Variants in OR3A1 observed in about 807,000 individuals in gnomAD.
OR3A1 encodes the protein olfactory receptor family 3 subfamily A member 1.
For missense variants in OR3A1, 402 were observed against 393.8 expected, an observed-to-expected ratio of 1.02 and a Z score of -0.18; for synonymous variants, 145 against 160.0, an observed-to-expected ratio of 0.91 and a Z score of 0.71.
chr17:3,296,177 A>T (rs778933100), intron 1 of OR3A1, among the ~76,000 whole-genome samples: 4 of 152,202 alleles, frequency 2.6e-5, no homozygotes, highest in African/African-American at 9.6e-5. Flanking sequence ...TCACAGCCCA[A>T]TGGAAAGAAA....
In OR3A1 at chr17:3,292,019, G is replaced by C. The variant is rs2048875447; in HGVS notation, c.564C>G (p.Phe188Leu). 8.1e-6 allele frequency: 13 copies of C among 1,614,124 alleles called. No individual in the cohort carries two copies. The highest frequency in any genetic ancestry group is 1.0e-5 in the Non-Finnish European group (12 of 1,180,054). ...NHFYCDLPQL[F>L]QLSCSSTQLN... ...GTTGGGTGCTGGAGCAGGAGAGCTGGAAGAGCTGTGGGAGGTCACAGTAGA... is the reference window on the plus strand; with the variant it reads ...GTTGGGTGCTGGAGCAGGAGAGCTGCAAGAGCTGTGGGAGGTCACAGTAGA... The change falls in exon 2 of 2, where the codon TTC becomes TTG. Residue 188 changes from phenylalanine to leucine, a missense_variant. Coordinates refer to ENST00000323404, the MANE Select transcript of OR3A1 (RefSeq NM_002550.3).
Position 3,291,754 on chromosome 17 carries a change from C to A in OR3A1, c.829G>T (p.Val277Phe). 6.2e-7 allele frequency: 1 copy of A among 1,613,758 alleles called. No homozygotes were observed. The highest frequency in any genetic ancestry group is 8.5e-7 in the Non-Finnish European group (1 of 1,179,660). The stretch of plus-strand genomic sequence containing the variant: ...TTGATGACAGTGTTGAAAATTCCAA[C>A]AGCTTTATCCTTGTCTGAAAGCTTG... ...STKLSDKDKA[V>F]GIFNTVINPM... Residue 277 changes from valine to phenylalanine, a missense_variant, in exon 2 of 2, where the codon GTT becomes TTT. Physicochemically the swap from Val to Phe is conservative, Grantham distance 50. Transcript: ENST00000323404.
intron 1 of OR3A1, among the ~76,000 whole-genome samples, chr17:3,297,974 T>C (rs2048933137): frequency 6.6e-6 from 1 of 151,866 alleles, no homozygotes; most frequent in Non-Finnish European, 1.5e-5. Context: ...GTTTCTTTGT[T>C]GTTCTTCTTT....
chr17:3,291,320 CAA>C lies in OR3A1; in HGVS notation c.*313_*314del, dbSNP rs71825642. The stretch of plus-strand genomic sequence containing the variant: ...TCTGGCAACTAAGGCTGTAACCAAC[CAA>C]AGAGTCATTCCTTCTGGAACATGAA... On this transcript the variant is annotated 3_prime_UTR_variant, in exon 2 of 2. Coordinates refer to ENST00000323404, the MANE Select transcript of OR3A1 (RefSeq NM_002550.3). 8.3e-3 allele frequency: 2,145 copies of C among 257,710 alleles called. 34 individuals carry two copies. The highest frequency in any genetic ancestry group is 0.043 in the African/African-American group (1,929 of 45,220). The allele number at this position is 257,710 out of a possible 1,614,324, so 16.0% of individuals were successfully genotyped here. A position where few individuals can be genotyped will look rare whatever the true frequency, so the allele number is the denominator to read the frequency against.
chr17:3,292,125 G>A lies in OR3A1; in HGVS notation c.458C>T (p.Ala153Val), dbSNP rs757609209. 1.2e-6 allele frequency: 2 copies of A among 1,614,188 alleles called. No individual in the cohort carries two copies. Among genetic ancestry groups the A allele is most frequent in the South Asian group, 1.1e-5 (1 of 91,080 alleles). ...GGTCAGTGCGTTGGTGAAAGCACAA[G>A]CCCAGGACGCAGCCACCAACATCCT... The part of the protein sequence containing the change: ...VQRMLVAASW[A>V]CAFTNALTHT... The change falls in exon 2 of 2, where the codon GCT becomes GTT. Residue 153 changes from alanine to valine, a missense_variant. By Grantham distance (64) the Ala-to-Val change is moderately conservative. Transcript: ENST00000323404.
At position 3,292,300 on chromosome 17, in the gene OR3A1, C is replaced by CT. The variant is rs1163629176; in HGVS notation, c.282dup (p.Val95SerfsTer30). ...TGGGTAAGGCAGGCCCCACAGGGAA[C>CT]TGCACGCTTGCGGGACAGGAGACGA... On this transcript the variant is annotated frameshift_variant, in exon 2 of 2. Coordinates refer to ENST00000323404, the MANE Select transcript of OR3A1 (RefSeq NM_002550.3). LOFTEE classifies it low-confidence loss of function (END_TRUNC). The CT allele has an allele frequency of 1.4e-5, 23 of 1,614,164 alleles. No homozygotes were observed. The highest frequency in any genetic ancestry group is 1.6e-5 in the Non-Finnish European group (19 of 1,180,014).
At chr17:3,295,518 C>A (rs1161624210) in intron 1 of OR3A1, among the ~76,000 whole-genome samples, 1 of 152,006 alleles carries the variant, frequency 6.6e-6, no homozygotes, top group Non-Finnish European at 1.5e-5. Context: ...AAATGTAGCC[C>A]TTACAGTGAA....
At chr17:3,297,647 TG>T (rs1201378735) in intron 1 of OR3A1, among the ~76,000 whole-genome samples, 1 of 150,034 alleles carries the variant, frequency 6.7e-6, no homozygotes, top group Non-Finnish European at 1.5e-5. Flanking sequence ...TACTCCATTG[TG>T]GCTTGCCAAC....
rs2676604 is a variant in OR3A1 at position 3,292,678 on chromosome 17, C to T, written c.-6-90G>A. The T allele has an allele frequency of 1.4e-3, 1,516 of 1,082,198 alleles. 13 individuals are homozygous for T. In the African/African-American group the frequency reaches 0.018, roughly 13 times the overall value. The allele number at this position is 1,082,198 out of a possible 1,614,324, so 67.0% of individuals were successfully genotyped here. On this transcript the variant is annotated intron_variant, in intron 1 of 1. Coordinates refer to ENST00000323404, the MANE Select transcript of OR3A1 (RefSeq NM_002550.3). ...AGAAACAGACCCCCTTCTACTTGCC[C>T]GGCCCTCTGCCACGTTCCCTCTGTA...
intron 1 of OR3A1, among the ~76,000 whole-genome samples, chr17:3,295,084 C>T (rs1160488305): frequency 6.6e-6 from 1 of 151,822 alleles, no homozygotes; most frequent in Non-Finnish European, 1.5e-5. Context: ...AAGACTAAAA[C>T]ATTTGTGAAA....
chr17:3,291,122 T>G lies in OR3A1; in HGVS notation c.*513A>C, dbSNP rs2048861665. On this transcript the variant is annotated 3_prime_UTR_variant, in exon 2 of 2. Transcript: ENST00000323404. ...CTATGGGGTCCTTGTTTAATGGGAA[T>G]AGAAAGAGCTACTTTTTTGTTTTTG... 6.5e-6 allele frequency: 1 copy of G among 152,856 alleles called. No homozygotes were observed. Among genetic ancestry groups the G allele is most frequent in the Non-Finnish European group, 1.5e-5 (1 of 68,572 alleles). 9.5% of individuals were successfully genotyped at this position (152,856 alleles called of 1,614,324 possible). A position where few individuals can be genotyped will look rare whatever the true frequency, so the allele number is the denominator to read the frequency against.
intron 1 of OR3A1, among the ~76,000 whole-genome samples, 151 bp downstream of exon 1, chr17:3,298,132 A>G (rs71360919): frequency 0.016 from 2,435 of 152,228 alleles, 26 homozygotes; most frequent in Middle Eastern, 0.075. Context: ...GGAATGGTAG[A>G]CCCTATGAAT....
intron 1 of OR3A1, among the ~76,000 whole-genome samples, chr17:3,293,474 T>C (rs1484000576): frequency 9.2e-5 from 14 of 152,186 alleles, no homozygotes; most frequent in Non-Finnish European, 1.5e-5. Flanking sequence ...CCTGCTAGTC[T>C]GAAACATGTC....
chr17:3,297,091 C>A (rs2048925171), intron 1 of OR3A1, among the ~76,000 whole-genome samples: 1 of 152,152 alleles, frequency 6.6e-6, no homozygotes, highest in South Asian at 2.1e-4. Context: ...GTTATGGACA[C>A]CAGGCAGAGC....
chr17:3,291,475 A>G lies in OR3A1; in HGVS notation c.*160T>C. ...ATACACTCATTGCTTATAATTGGAC[A>G]GGGCTGCTTTCAGAAATGAAAACTA... On this transcript the variant is annotated 3_prime_UTR_variant, in exon 2 of 2. Coordinates refer to ENST00000323404, the MANE Select transcript of OR3A1 (RefSeq NM_002550.3). The G allele has an allele frequency of 1.7e-6, 1 of 588,450 alleles. No homozygotes were observed. Among genetic ancestry groups the G allele is most frequent in the Non-Finnish European group, 2.9e-6 (1 of 340,810 alleles). 36.5% of individuals were successfully genotyped at this position (588,450 alleles called of 1,614,324 possible).
intron 1 of OR3A1, among the ~76,000 whole-genome samples, chr17:3,293,966 G>T (rs1276326407): frequency 6.6e-6 from 1 of 152,098 alleles, no homozygotes; most frequent in East Asian, 1.9e-4. Context: ...TGGGAGGGTG[G>T]CCAGGGCGAG....
Position 3,291,751 on chromosome 17 carries a change from C to T in OR3A1, c.832G>A (p.Gly278Arg), listed in dbSNP as rs1229312913. Reference protein sequence around the residue: ...TKLSDKDKAVGIFNTVINPML... With the variant: ...TKLSDKDKAVRIFNTVINPML... The stretch of plus-strand genomic sequence containing the variant: ...GGATTGATGACAGTGTTGAAAATTC[C>T]AACAGCTTTATCCTTGTCTGAAAGC... Residue 278 changes from glycine to arginine, a missense_variant, in exon 2 of 2, where the codon GGA (glycine) becomes AGA (arginine). Coordinates refer to ENST00000323404, the MANE Select transcript of OR3A1 (RefSeq NM_002550.3). The T allele has an allele frequency of 6.2e-7, 1 of 1,613,744 alleles. No individual in the cohort carries two copies. The highest frequency in any genetic ancestry group is 1.1e-5 in the South Asian group (1 of 91,076).
chr17:3,293,153 T>TAAA lies in OR3A1; in HGVS notation c.-6-568_-6-566dup, dbSNP rs35282171. On this transcript the variant is annotated intron_variant, in intron 1 of 1. Coordinates refer to ENST00000323404, the MANE Select transcript of OR3A1 (RefSeq NM_002550.3). ...AAGAGTTAAATGAGTATAATTCTCT[T>TAAA]AAAAAAAAAAAAAGGGTGGGTAGGG... Among the ~76,000 whole-genome samples the TAAA allele has an allele frequency of 7.5e-4, 106 of 140,986 alleles. 1 individual carries two copies. Among genetic ancestry groups the TAAA allele is most frequent in the South Asian group, 2.6e-3 (12 of 4,532 alleles). 92.5% of individuals were successfully genotyped at this position (140,986 alleles called of 152,430 possible).
intron 1 of OR3A1, among the ~76,000 whole-genome samples, chr17:3,293,836 C>T (rs1180340358): frequency 6.6e-6 from 1 of 152,162 alleles, no homozygotes; most frequent in African/African-American, 2.4e-5. Flanking sequence ...AGCCATTATC[C>T]TCAGCAAACT....
Sources: gnomAD v4.1 joint callset for allele counts (sites outside exome capture counted in the v4.1 genomes callset) on GRCh38, gnomAD v4.1.1 for gene constraint, MANE v1.5 for transcripts, NCBI Gene and HGNC (gene_info 2026-07-23, HGNC 2026-07-21) for gene names.